LANCL3: variants seen among roughly 807,000 people sequenced by gnomAD.
The protein encoded by LANCL3 is LanC like family member 3.
In LANCL3, 19 loss-of-function variants were observed where a neutral mutation model predicts 26.5. The ratio of observed to expected loss-of-function variants is 0.72; its 90% CI spans 0.50 to 1.05. The LOEUF (loss-of-function observed/expected upper bound fraction) is 1.05. Ranked by LOEUF, LANCL3 falls within the 50% of genes least tolerant of loss-of-function variation. The pLI is 0.00. For synonymous variants in LANCL3, 160 were observed against 166.6 expected (o/e 0.96, Z 0.30); for missense variants, 318 against 362.7 (o/e 0.88, Z 1.00).
intron 1 of LANCL3, among the ~76,000 whole-genome samples, chrX:37,619,084 G>C (rs1364408939): frequency 1.8e-5 from 2 of 111,338 alleles, no homozygotes; most frequent in African/African-American, 6.5e-5. Flanking sequence ...TCTGTTTGAA[G>C]ACATAATTGT....
intron 1 of LANCL3, among the ~76,000 whole-genome samples, chrX:37,600,525 T>C (rs1396619559): frequency 1.8e-5 from 2 of 112,342 alleles, no homozygotes; most frequent in Non-Finnish European, 3.8e-5. Flanking sequence ...ACCTTCCTTC[T>C]TGCCACCATG....
In LANCL3 at chrX:37,659,678, C is replaced by T; in HGVS notation, c.895+19C>T. ...GCTCCAGGTCTCACACACTCTGTTACCTAAAAATATTGCCTTTCATCTAGG... is the reference window on the plus strand; with the variant it reads ...GCTCCAGGTCTCACACACTCTGTTATCTAAAAATATTGCCTTTCATCTAGG... On this transcript the variant is annotated intron_variant, in intron 3 of 4. Transcript: ENST00000378619. The T allele has an allele frequency of 8.4e-7, 1 of 1,194,847 alleles. No individual in the cohort carries two copies. The highest frequency in any genetic ancestry group is 1.1e-6 in the Non-Finnish European group (1 of 882,383).
intron 1 of LANCL3, among the ~76,000 whole-genome samples, chrX:37,608,757 G>T (rs1458848234): frequency 5.4e-5 from 6 of 111,967 alleles, no homozygotes; most frequent in African/African-American, 1.6e-4. Context: ...TTATCAAATT[G>T]CCTTTACTCA....
In LANCL3 at chrX:37,612,378, T is replaced by A. The variant is rs142237121; in HGVS notation, c.573+39935T>A. Among the ~76,000 whole-genome samples, 241 of 111,603 alleles carry A rather than the reference T, an allele frequency of 2.2e-3. 1 individual carries two copies. Among genetic ancestry groups the A allele is most frequent in the Middle Eastern group, 4.7e-3 (1 of 214 alleles). ...ATGTATCCTGAAGTTTGAACACCAGTGCTTCAAGCTGAGAGCCCAGGAGAG... is the reference window on the plus strand; with the variant it reads ...ATGTATCCTGAAGTTTGAACACCAGAGCTTCAAGCTGAGAGCCCAGGAGAG... On this transcript the variant is annotated intron_variant, in intron 1 of 4. Transcript: ENST00000378619.
At chrX:37,606,043 G>A (rs962791047) in intron 1 of LANCL3, among the ~76,000 whole-genome samples, 1 of 111,705 alleles carries the variant, frequency 9.0e-6, no homozygotes, top group Non-Finnish European at 1.9e-5. Context: ...TTATTACAGT[G>A]GAAGAACACA....
At chrX:37,585,259 G>A (rs1425230643) in intron 1 of LANCL3, among the ~76,000 whole-genome samples, 1 of 111,829 alleles carries the variant, frequency 8.9e-6, no homozygotes, top group Non-Finnish European at 1.9e-5. Flanking sequence ...GTGCTGAAAA[G>A]AATGTCTATT....
chrX:37,652,663 C>G (rs1926183635), intron 1 of LANCL3, among the ~76,000 whole-genome samples: 1 of 112,120 alleles, frequency 8.9e-6, no homozygotes. Context: ...GGCCAGGGAG[C>G]CCCGCTCTGC....
intron 1 of LANCL3, among the ~76,000 whole-genome samples, chrX:37,611,432 C>T (rs1924867106): frequency 9.0e-6 from 1 of 111,059 alleles, no homozygotes; most frequent in African/African-American, 3.3e-5. Flanking sequence ...TTATTATACT[C>T]CATCCTTGCC....
chrX:37,632,814 A>G (rs1420616258), intron 1 of LANCL3, among the ~76,000 whole-genome samples: 8 of 112,148 alleles, frequency 7.1e-5, no homozygotes, highest in Non-Finnish European at 1.3e-4. Context: ...AGTTTCTGCC[A>G]AGAGATCAGC....
intron 1 of LANCL3, among the ~76,000 whole-genome samples, chrX:37,614,961 G>A (rs1294771888): frequency 8.9e-6 from 1 of 112,135 alleles, no homozygotes; most frequent in Non-Finnish European, 1.9e-5. Flanking sequence ...TATGTGTTAT[G>A]CCCTGTTCTA....
At chrX:37,641,776 A>G (rs1254897799) in intron 1 of LANCL3, among the ~76,000 whole-genome samples, 4 of 111,924 alleles carry the variant, frequency 3.6e-5, no homozygotes, top group Admixed American at 9.5e-5. Context: ...TTGTTCAACC[A>G]GGACCATTTT....
chrX:37,650,131 G>A (rs1332328650), intron 1 of LANCL3, among the ~76,000 whole-genome samples: 3 of 108,299 alleles, frequency 2.8e-5, no homozygotes, highest in East Asian at 2.9e-4. Flanking sequence ...GTGAAACCCC[G>A]TCTCTGCTAA....
At chrX:37,608,649 A>G (rs1321393761) in intron 1 of LANCL3, among the ~76,000 whole-genome samples, 1 of 111,827 alleles carries the variant, frequency 8.9e-6, no homozygotes, top group Non-Finnish European at 1.9e-5. Context: ...TGTTGGCACA[A>G]ATGCCTCAGG....
At chrX:37,632,921 A>C (rs1265194480) in intron 1 of LANCL3, among the ~76,000 whole-genome samples, 4 of 110,933 alleles carry the variant, frequency 3.6e-5, no homozygotes, top group African/African-American at 9.8e-5. Context: ...TGAATCTGAC[A>C]ATTATGTGTC....
intron 1 of LANCL3, among the ~76,000 whole-genome samples, chrX:37,649,328 A>G (rs1243422654): frequency 1.8e-5 from 2 of 111,795 alleles, no homozygotes; most frequent in Admixed American, 9.5e-5. Flanking sequence ...GCTGGAAGGC[A>G]TCATCCTCAG....
intron 1 of LANCL3, among the ~76,000 whole-genome samples, chrX:37,628,525 C>A (rs905118394): frequency 1.5e-4 from 16 of 106,121 alleles, no homozygotes; most frequent in African/African-American, 5.5e-4. Context: ...TATACATGTG[C>A]CATGCTGGTG....
At chrX:37,670,209 A>AT (rs1378489572) in intron 4 of LANCL3, among the ~76,000 whole-genome samples, 1 of 111,006 alleles carries the variant, frequency 9.0e-6, no homozygotes, top group Non-Finnish European at 1.9e-5. Flanking sequence ...TCCTTTGCCC[A>AT]TTTTTTTCCT....
rs782064185 is a variant in LANCL3 at position 37,672,494 on chromosome X, G to C, written c.1104-3160G>C. 4.5e-5 allele frequency among the ~76,000 whole-genome samples: 5 copies of C among 112,016 alleles called. No individual in the cohort carries two copies. The East Asian group carries it at 1.4e-3, about 31-fold the overall frequency. ...TAAAATGAAGCAGCCTTTCAGCGCT[G>C]GGTTTTATAGCAAAGTTGCCTGCCC... On this transcript the variant is annotated intron_variant, in intron 4 of 4. Coordinates refer to ENST00000378619, the MANE Select transcript of LANCL3 (RefSeq NM_001170331.2).
At chrX:37,675,528 ATACT>A (rs1926775906) in intron 4 of LANCL3, 122 bp from the exon 5 acceptor site, 2 of 352,505 alleles carry the variant, frequency 5.7e-6, no homozygotes, top group South Asian at 1.1e-4. Context: ...GTTTCTTAAA[ATACT>A]TAATTATATA....
Sources: allele counts gnomAD v4.1 joint callset (sites outside exome capture counted in the v4.1 genomes callset), GRCh38; gene constraint gnomAD v4.1.1; transcripts MANE v1.5; gene names NCBI Gene and HGNC (gene_info 2026-07-23, HGNC 2026-07-21).